The following MUC3A variants were observed in gnomAD, a reference collection of about 807,000 sequenced individuals.
MUC3A encodes mucin 3A, cell surface associated, also known as mucin-3A.
In MUC3A, 109 loss-of-function variants were observed where a neutral mutation model predicts 109.0. The observed-to-expected ratio is 1.00, with a 90% CI of 0.86 to 1.17. The LOEUF (loss-of-function observed/expected upper bound fraction) is 1.17, where lower values mean the gene tolerates loss of function less well. Among genes scored for constraint, MUC3A ranks in the 50% most tolerant of loss-of-function variants. The pLI is 0.00. For synonymous variants in MUC3A, 1,398 were observed against 981.4 expected, an observed-to-expected ratio of 1.42 and a Z score of -7.93; for missense variants, 3,537 against 2,469.4, an observed-to-expected ratio of 1.43 and a Z score of -9.16.
chr7:100,960,435 GTC>G lies in MUC3A; in HGVS notation c.8660_8661del (p.Ser2887TyrfsTer11). 6.3e-7 allele frequency: 1 copy of G among 1,598,584 alleles called. No homozygotes were observed. The highest frequency in any genetic ancestry group is 8.5e-7 in the Non-Finnish European group (1 of 1,179,820). On this transcript the variant is annotated frameshift_variant, in exon 2 of 12. Coordinates refer to ENST00000379458, the MANE Select transcript of MUC3A (RefSeq NM_005960.2). LOFTEE classifies it high-confidence loss of function. ...SSVIPLPLPGVSTIPLTMKPS... is the reference protein window; with the variant it reads ...SSVIPLPLPGXSTIPLTMKPS... ...TGTGATCCCCCTACCTCTTCCTGGC[GTC>G]TCTACCATCCCGCTCACCATGAAAC...
In MUC3A at chr7:100,959,608, C is replaced by G; in HGVS notation, c.7829C>G (p.Thr2610Ser). 6.3e-7 allele frequency: 1 copy of G among 1,598,146 alleles called. No homozygotes were observed. Reference protein sequence around the residue: ...TFGSTDSSTSTLHTLTPSTAL... With the variant: ...TFGSTDSSTSSLHTLTPSTAL... Reference sequence around the variant, plus strand: ...GGAAGTACGGATTCCTCCACGTCCACTCTTCATACTCTTACTCCATCAACA... The same window carrying G: ...GGAAGTACGGATTCCTCCACGTCCAGTCTTCATACTCTTACTCCATCAACA... The change falls in exon 2 of 12, where the codon ACT becomes AGT. Residue 2610 changes from threonine to serine, a missense_variant. Physicochemically the swap from Thr to Ser is moderately conservative, Grantham distance 58 (BLOSUM62 1). Coordinates refer to ENST00000379458, the MANE Select transcript of MUC3A (RefSeq NM_005960.2).
Position 100,952,984 on chromosome 7 carries a change from T to C in MUC3A, c.1205T>C (p.Phe402Ser). Residue 402 changes from phenylalanine to serine, a missense_variant, in exon 2 of 12, where the codon TTC becomes TCC. By Grantham distance (155) the Phe-to-Ser change is radical. Transcript: ENST00000379458. ...ATCTCCTCCCACAGTACTCCCAGCT[T>C]CTCTTCATCAACCATCTACTCCACA... ...TEISSHSTPS[F>S]SSSTIYSTVS... 7.7e-6 allele frequency: 12 copies of C among 1,559,798 alleles called. No individual in the cohort carries two copies. The highest frequency in any genetic ancestry group is 1.0e-5 in the Non-Finnish European group (12 of 1,162,078).
chr7:100,963,362 T>C (rs570602967), intron 4 of MUC3A, 96 bp downstream of exon 4: 42 of 998,516 alleles, frequency 4.2e-5, no homozygotes, highest in Non-Finnish European at 6.0e-5. Flanking sequence ...CTTGGGTCAC[T>C]GCAACCTCCG....
chr7:100,959,517 A>AC lies in MUC3A; in HGVS notation c.7742dup (p.Pro2582SerfsTer52). ...TGTTATACCTGAAACCCCAACACAGACCCCTCCTGTACTGACGTCAGCCAC... is the reference window on the plus strand; with the variant it reads ...TGTTATACCTGAAACCCCAACACAGACCCCCTCCTGTACTGACGTCAGCCAC... On this transcript the variant is annotated frameshift_variant, in exon 2 of 12. Coordinates refer to ENST00000379458, the MANE Select transcript of MUC3A (RefSeq NM_005960.2). LOFTEE classifies it high-confidence loss of function. 1.3e-6 allele frequency: 2 copies of AC among 1,549,680 alleles called. No homozygotes were observed. The highest frequency in any genetic ancestry group is 1.7e-6 in the Non-Finnish European group (2 of 1,148,844).
chr7:100,963,563 G>T, intron 4 of MUC3A, 125 bp from the exon 5 acceptor site: 3 of 1,443,176 alleles, frequency 2.1e-6, no homozygotes, highest in Non-Finnish European at 1.9e-6. Flanking sequence ...GGGATTACAG[G>T]CGTGAGCCAC....
rs1243555383 is a variant in MUC3A at position 100,957,242 on chromosome 7, A to T, written c.5463A>T (p.Thr1821=). The change falls in exon 2 of 12, where the codon ACA becomes ACT. Residue 1821 remains threonine (T), a synonymous_variant. Coordinates refer to ENST00000379458, the MANE Select transcript of MUC3A (RefSeq NM_005960.2). Reference sequence around the variant, plus strand: ...CCACAAACACCACCCCTCTATCTACATTGGTGACCACATTCTCCAATTCCG... The same window carrying T: ...CCACAAACACCACCCCTCTATCTACTTTGGTGACCACATTCTCCAATTCCG... ...SGTTNTTPLS[T]LVTTFSNSDT... 16 of 489,050 alleles carry T rather than the reference A, an allele frequency of 3.3e-5. No individual in the cohort carries two copies. The highest frequency in any genetic ancestry group is 5.0e-5 in the Non-Finnish European group (14 of 280,836). 30.3% of individuals were successfully genotyped at this position (489,050 alleles called of 1,614,324 possible).
At position 100,952,213 on chromosome 7, in the gene MUC3A, G is replaced by C; in HGVS notation, c.434G>C (p.Cys145Ser). 1 of 1,598,550 alleles carries C rather than the reference G, an allele frequency of 6.3e-7. No individual in the cohort carries two copies. Among genetic ancestry groups the C allele is most frequent in the Non-Finnish European group, 8.5e-7 (1 of 1,179,800 alleles). ...ACCATCTCCCACCCCACCTCCATCT[G>C]TGTGACCACGACGCAGGTGGCCTTC... is the stretch of plus-strand genomic sequence containing the variant. ...IITISHPTSICVTTTQVAFTS... is the reference protein window; with the variant it reads ...IITISHPTSISVTTTQVAFTS... The change falls in exon 2 of 12, where the codon TGT becomes TCT. Residue 145 changes from cysteine (C) to serine (S), a missense_variant. By Grantham distance (112) the Cys-to-Ser change is moderately radical. Coordinates refer to ENST00000379458, the MANE Select transcript of MUC3A (RefSeq NM_005960.2).
chr7:100,953,359 C>A lies in MUC3A; in HGVS notation c.1580C>A (p.Thr527Lys), dbSNP rs986103920. Residue 527 changes from threonine (T) to lysine (K), a missense_variant, in exon 2 of 12, where the codon ACG becomes AAG. Transcript: ENST00000379458. ...AGCACTCCTACAAGTTCCCTCCTGA[C>A]GACCTTCCCAGCAACATATTCATTT... ...TLSTPTSSLL[T>K]TFPATYSFSS... is the part of the protein sequence containing the mutation. The A allele has an allele frequency of 2.3e-6, 1 of 442,470 alleles. No individual in the cohort carries two copies. Among genetic ancestry groups the A allele is most frequent in the Admixed American group, 4.1e-5 (1 of 24,120 alleles). 27.4% of individuals were successfully genotyped at this position (442,470 alleles called of 1,614,324 possible).
At position 100,952,954 on chromosome 7, in the gene MUC3A, C is replaced by G. The variant is rs796525837; in HGVS notation, c.1175C>G (p.Thr392Ser). 4 of 1,560,678 alleles carry G rather than the reference C, an allele frequency of 2.6e-6. No individual in the cohort carries two copies. Among genetic ancestry groups the G allele is most frequent in the Non-Finnish European group, 3.4e-6 (4 of 1,163,230 alleles). Residue 392 changes from threonine (T) to serine (S), a missense_variant, in exon 2 of 12, where the codon ACT becomes AGT. Physicochemically the swap from Thr to Ser is moderately conservative, Grantham distance 58. Transcript: ENST00000379458. ...ATGACAAACTTGGTAACCACCACCA[C>G]TGAGATCTCCTCCCACAGTACTCCC... ...TPMTNLVTTT[T>S]EISSHSTPSF... is the part of the protein sequence containing the mutation.
In MUC3A at chr7:100,966,525, C is replaced by T. The variant is rs1190604334; in HGVS notation, c.9751C>T (p.Arg3251Cys). Residue 3251 changes from arginine to cysteine, a missense_variant, in exon 9 of 12, where the codon CGC (arginine) becomes TGC (cysteine). Transcript: ENST00000379458. ...GCTGGCGCTGGGCGTCCGGGCGGTG[C>T]GCTCCGGATGGTGGGGCGGCCAGCG... ...LLLALGVRAVRSGWWGGQRRG... is the reference protein window; with the variant it reads ...LLLALGVRAVCSGWWGGQRRG... The T allele has an allele frequency of 2.5e-5, 33 of 1,321,110 alleles. No homozygotes were observed. The South Asian group carries it at 4.5e-4, about 18-fold the overall frequency. 81.8% of individuals were successfully genotyped at this position (1,321,110 alleles called of 1,614,324 possible). A position where few individuals can be genotyped will look rare whatever the true frequency, so the allele number is the denominator to read the frequency against.
rs748067600 is a variant in MUC3A, at chr7:100,952,431, A to G, written c.652A>G (p.Thr218Ala). The G allele has an allele frequency of 6.3e-7, 1 of 1,598,608 alleles. No individual in the cohort carries two copies. The highest frequency in any genetic ancestry group is 8.5e-7 in the Non-Finnish European group (1 of 1,179,812). Reference protein sequence around the residue: ...VSATDTTFHTTISSTTRTTER... With the variant: ...VSATDTTFHTAISSTTRTTER... The stretch of plus-strand genomic sequence containing the variant: ...AGCCACAGACACAACCTTCCACACT[A>G]CAATCTCGTCTACAACTAGAACCAC... Residue 218 changes from threonine (T) to alanine (A), a missense_variant, in exon 2 of 12, where the codon ACA becomes GCA. Physicochemically the swap from Thr to Ala is moderately conservative, Grantham distance 58. Coordinates refer to ENST00000379458, the MANE Select transcript of MUC3A (RefSeq NM_005960.2).
In MUC3A at chr7:100,966,547, A is replaced by G. The variant is rs1298666676; in HGVS notation, c.9773A>G (p.Gln3258Arg). ...GTGCGCTCCGGATGGTGGGGCGGCC[A>G]GCGCCGAGGCCGGTGAGCGTGCGGG... is the stretch of plus-strand genomic sequence containing the variant. ...RAVRSGWWGG[Q>R]RRGRSWDQDR... The change falls in exon 9 of 12, where the codon CAG becomes CGG. Residue 3258 changes from glutamine to arginine, a missense_variant. By Grantham distance (43) the Gln-to-Arg change is conservative. Transcript: ENST00000379458. 19 of 1,397,548 alleles carry G rather than the reference A, an allele frequency of 1.4e-5. No individual in the cohort carries two copies. The East Asian group carries it at 5.1e-4, about 37-fold the overall frequency. The allele number at this position is 1,397,548 out of a possible 1,614,324, so 86.6% of individuals were successfully genotyped here.
Position 100,965,767 on chromosome 7 carries a change from C to A in MUC3A, c.9512C>A (p.Thr3171Asn), listed in dbSNP as rs749890685. The A allele has an allele frequency of 1.3e-4, 201 of 1,597,830 alleles. No individual in the cohort carries two copies. The East Asian group carries it at 4.5e-3, about 35-fold the overall frequency. The change falls in exon 8 of 12, where the codon ACC (threonine) becomes AAC (asparagine). Residue 3171 changes from threonine (T) to asparagine (N), a missense_variant. Physicochemically the swap from Thr to Asn is moderately conservative, Grantham distance 65. Coordinates refer to ENST00000379458, the MANE Select transcript of MUC3A (RefSeq NM_005960.2). Reference protein sequence around the residue: ...EEFYFPLVEATRLRCVTKCTS... With the variant: ...EEFYFPLVEANRLRCVTKCTS... ...TTCTACTTCCCCTTGGTGGAGGCCA[C>A]CCGGCTCCGCTGTGTCACCAAATGC...
rs1256873022 is a variant in MUC3A at position 100,957,391 on chromosome 7, C to T, written c.5612C>T (p.Ser1871Phe). The T allele has an allele frequency of 8.9e-6, 7 of 783,548 alleles. No individual in the cohort carries two copies. The highest frequency in any genetic ancestry group is 1.7e-5 in the African/African-American group (1 of 57,256). 48.5% of individuals were successfully genotyped at this position (783,548 alleles called of 1,614,324 possible). ...NMTGTLSTVT[S>F]LRPTSSSLLT... ...ACAGGTACATTGTCCACTGTGACCT[C>T]TCTTCGACCCACCTCTTCCTCTCTC... The change falls in exon 2 of 12, where the codon TCT (serine) becomes TTT (phenylalanine). Residue 1871 changes from serine to phenylalanine, a missense_variant. Coordinates refer to ENST00000379458, the MANE Select transcript of MUC3A (RefSeq NM_005960.2).
intron 3 of MUC3A, 128 bp downstream of exon 3, chr7:100,961,065 C>G: frequency 6.5e-7 from 1 of 1,542,952 alleles, no homozygotes; most frequent in Non-Finnish European, 8.7e-7. Flanking sequence ...TCCCTGCCAT[C>G]TCTCCCATGC....
Position 100,963,691 on chromosome 7 carries a change from C to A in MUC3A, c.9172C>A (p.Gln3058Lys). The change falls in exon 5 of 12, where the codon CAG (glutamine) becomes AAG (lysine). Residue 3058 changes from glutamine to lysine, a missense_variant. Coordinates refer to ENST00000379458, the MANE Select transcript of MUC3A (RefSeq NM_005960.2). ...CCAGGGATCCTTGGTGTTTCAGATGCAGAAGATTTTTGCAGACATGCAGGG... is the reference window on the plus strand; with the variant it reads ...CCAGGGATCCTTGGTGTTTCAGATGAAGAAGATTTTTGCAGACATGCAGGG... ...DFNKTFWNQM[Q>K]KIFADMQGFT... 1.3e-6 allele frequency: 2 copies of A among 1,598,488 alleles called. No homozygotes were observed. The highest frequency in any genetic ancestry group is 1.7e-6 in the Non-Finnish European group (2 of 1,179,782).
At chr7:100,964,319 G>T (rs999737768) in intron 5 of MUC3A, 3 of 225,936 alleles carry the variant, frequency 1.3e-5, no homozygotes, top group Non-Finnish European at 2.6e-5. Flanking sequence ...GATTAGCCAG[G>T]CATGGTAGTG....
At chr7:100,961,008 C>T in intron 3 of MUC3A, 71 bp downstream of exon 3, 1 of 1,594,220 alleles carries the variant, frequency 6.3e-7, no homozygotes, top group Non-Finnish European at 8.5e-7. Flanking sequence ...AGACTTATCC[C>T]TCTGTGGGGC....
rs1792165838 is a variant in MUC3A, at chr7:100,958,490, C to T, written c.6711C>T (p.Pro2237=). 4.5e-5 allele frequency: 56 copies of T among 1,236,482 alleles called. No homozygotes were observed. The highest frequency in any genetic ancestry group is 1.9e-4 in the Middle Eastern group (1 of 5,376). 76.6% of individuals were successfully genotyped at this position (1,236,482 alleles called of 1,614,324 possible). ...TTTETTSHST[P]GFTSSITTTE... ...CTGAGACCACATCCCACAGTACTCC[C>T]GGCTTCACTTCTTCAATCACCACCA... The change falls in exon 2 of 12, where the codon CCC becomes CCT. Residue 2237 remains proline (P), a synonymous_variant. Transcript: ENST00000379458.
Sources: allele counts gnomAD v4.1 joint callset, GRCh38; gene constraint gnomAD v4.1.1; transcripts MANE v1.5; gene names NCBI Gene and HGNC (gene_info 2026-07-23, HGNC 2026-07-21).